The following GMDS variants were observed in gnomAD, a reference collection of about 807,000 sequenced individuals.
The protein encoded by GMDS is GDP-mannose 4,6 dehydratase.
In GMDS, 20 loss-of-function variants were observed where a neutral mutation model predicts 49.9. The observed-to-expected ratio is 0.40, with a 90% CI of 0.28 to 0.58. The LOEUF (loss-of-function observed/expected upper bound fraction) is 0.58. Among genes scored for constraint, GMDS ranks in the 20% least tolerant of loss-of-function variants. The probability of loss-of-function intolerance (pLI) is 0.42; values close to 1 mark genes in which losing one functional copy is unlikely to be tolerated. For synonymous variants in GMDS, 177 were observed against 178.6 expected (o/e 0.99, Z 0.07); for missense variants, 362 against 481.4 (o/e 0.75, Z 2.32).
chr6:2,096,492 A>G (rs1562050364), intron 4 of GMDS, among the ~76,000 whole-genome samples: 1 of 152,188 alleles, frequency 6.6e-6, no homozygotes, highest in Non-Finnish European at 1.5e-5. Flanking sequence ...GAAATAAGAC[A>G]CTTTATGTTA....
rs1480313092 is a variant in GMDS, at chr6:1,863,968, C to T, written c.771+66135G>A. Reference sequence around the variant, plus strand: ...ATTTCAAACAAATTAGCCAATAAACCAGCAAAAAAGTGTGGCCATTTTCAA... The same window carrying T: ...ATTTCAAACAAATTAGCCAATAAACTAGCAAAAAAGTGTGGCCATTTTCAA... On this transcript the variant is annotated intron_variant, in intron 7 of 10. Coordinates refer to ENST00000380815, the MANE Select transcript of GMDS (RefSeq NM_001500.4). Among the ~76,000 whole-genome samples, 3 of 151,892 alleles carry T rather than the reference C, an allele frequency of 2.0e-5. No individual in the cohort carries two copies. The East Asian group carries it at 5.8e-4, about 29-fold the overall frequency.
chr6:1,740,386 G>A (rs1258821658), intron 8 of GMDS, among the ~76,000 whole-genome samples: 11 of 151,908 alleles, frequency 7.2e-5, no homozygotes, highest in African/African-American at 1.5e-4. Context: ...GTAAAACCCC[G>A]TCTCTACTAA....
At chr6:2,111,386 C>A (rs979901279) in intron 4 of GMDS, among the ~76,000 whole-genome samples, 1 of 152,168 alleles carries the variant, frequency 6.6e-6, no homozygotes, top group Non-Finnish European at 1.5e-5. Flanking sequence ...ATCAAACCAG[C>A]CTTTCAATGA....
intron 4 of GMDS, among the ~76,000 whole-genome samples, chr6:2,087,427 G>A (rs1040228622): frequency 1.3e-5 from 2 of 152,204 alleles, no homozygotes; most frequent in African/African-American, 2.4e-5. Context: ...CAGAAAGGAA[G>A]TGAGCCCAAC....
chr6:1,924,534 C>A (rs76177362), intron 7 of GMDS, among the ~76,000 whole-genome samples: 12 of 152,306 alleles, frequency 7.9e-5, no homozygotes, highest in Non-Finnish European at 1.3e-4. Context: ...GGCCCAGCTC[C>A]TACCATTTAG....
chr6:1,864,082 C>G (rs1758329896), intron 7 of GMDS, among the ~76,000 whole-genome samples: 1 of 151,984 alleles, frequency 6.6e-6, no homozygotes, highest in South Asian at 2.1e-4. Context: ...AATTAACTTT[C>G]TAGTTTATCA....
chr6:1,742,571 ACATCAACCACAT>A lies in GMDS; in HGVS notation c.775_786del (p.Met259_Met262del). The A allele has an allele frequency of 6.3e-7, 1 of 1,586,644 alleles. No homozygotes were observed. On this transcript the variant is annotated inframe_deletion, in exon 8 of 11. Coordinates refer to ENST00000380815, the MANE Select transcript of GMDS (RefSeq NM_001500.4). ...AAGTCCTCCGGCTCATCATTCTGCAACATCAACCACATAGCCTAGAGGGAAAGAGAGGCAAGT... is the reference window on the plus strand; with the variant it reads ...AAGTCCTCCGGCTCATCATTCTGCAAAGCCTAGAGGGAAAGAGAGGCAAGT...
chr6:1,908,726 G>A (rs1216230125), intron 7 of GMDS, among the ~76,000 whole-genome samples: 1 of 152,210 alleles, frequency 6.6e-6, no homozygotes, highest in African/African-American at 2.4e-5. Context: ...GAGGTGAGAG[G>A]TAAGCTCTTC....
At chr6:1,907,904 C>A (rs114442388) in intron 7 of GMDS, among the ~76,000 whole-genome samples, 1 of 152,130 alleles carries the variant, frequency 6.6e-6, no homozygotes, top group African/African-American at 2.4e-5. Context: ...AATACCAAAC[C>A]GTACACACAC....
At chr6:1,653,646 T>G (rs1763784697) in intron 9 of GMDS, among the ~76,000 whole-genome samples, 1 of 152,182 alleles carries the variant, frequency 6.6e-6, no homozygotes, top group Non-Finnish European at 1.5e-5. Flanking sequence ...ATGTAAACCC[T>G]AATATACCCG....
chr6:1,684,436 G>A (rs1309474961), intron 9 of GMDS, among the ~76,000 whole-genome samples: 6 of 152,140 alleles, frequency 3.9e-5, no homozygotes, highest in Non-Finnish European at 8.8e-5. Flanking sequence ...CATCCCCAAA[G>A]GAAACAACCC....
intron 4 of GMDS, among the ~76,000 whole-genome samples, chr6:2,007,788 T>TA (rs1355307978): frequency 6.6e-6 from 1 of 152,184 alleles, no homozygotes; most frequent in African/African-American, 2.4e-5. Context: ...AAAACAATCT[T>TA]ATAGTTCTTC....
At chr6:1,955,131 T>G (rs558394647) in intron 6 of GMDS, among the ~76,000 whole-genome samples, 1 of 151,992 alleles carries the variant, frequency 6.6e-6, no homozygotes, top group African/African-American at 2.4e-5. Flanking sequence ...GCCACACACC[T>G]TCAGTATGAA....
intron 4 of GMDS, among the ~76,000 whole-genome samples, chr6:2,085,688 C>T (rs770646685): frequency 1.1e-4 from 17 of 152,028 alleles, no homozygotes; most frequent in Non-Finnish European, 1.9e-4. Flanking sequence ...ACCACCACAC[C>T]GGCTAATTTT....
At chr6:1,888,134 ATT>A (rs56167840) in intron 7 of GMDS, among the ~76,000 whole-genome samples, 5 of 140,474 alleles carry the variant, frequency 3.6e-5, no homozygotes, top group African/African-American at 5.1e-5. Flanking sequence ...TATTATTATT[ATT>A]TTTTTTTTTT....
intron 1 of GMDS, among the ~76,000 whole-genome samples, chr6:2,127,195 C>T (rs1326449113): frequency 6.6e-6 from 1 of 152,020 alleles, no homozygotes; most frequent in Non-Finnish European, 1.5e-5. Flanking sequence ...AATCAATATC[C>T]CTATAAATCA....
chr6:1,953,829 TA>T (rs1221889088), intron 6 of GMDS, among the ~76,000 whole-genome samples: 4 of 152,136 alleles, frequency 2.6e-5, no homozygotes, highest in Admixed American at 1.3e-4. Context: ...TTTAAATAAT[TA>T]AAAAAACCTC....
intron 4 of GMDS, among the ~76,000 whole-genome samples, chr6:2,070,567 C>T (rs1470010801): frequency 6.6e-6 from 1 of 151,966 alleles, no homozygotes; most frequent in Non-Finnish European, 1.5e-5. Context: ...GAACTGAAAA[C>T]ACTTCTTTAT....
chr6:2,107,264 A>C (rs914599785), intron 4 of GMDS, among the ~76,000 whole-genome samples: 4 of 152,196 alleles, frequency 2.6e-5, no homozygotes, highest in Non-Finnish European at 4.4e-5. Context: ...TCTCATATAA[A>C]TTCTTAATGG....
Sources: gnomAD v4.1 joint callset for allele counts (sites outside exome capture counted in the v4.1 genomes callset) on GRCh38, gnomAD v4.1.1 for gene constraint, MANE v1.5 for transcripts, NCBI Gene and HGNC (gene_info 2026-07-23, HGNC 2026-07-21) for gene names.